Variants in DPP10 observed in about 807,000 individuals in gnomAD.
DPP10 encodes inactive dipeptidyl peptidase 10.
DPP10 carries 33 observed loss-of-function variants against 120.9 expected under a neutral mutation model. The ratio of observed to expected loss-of-function variants is 0.27; its 90% CI spans 0.21 to 0.37. The LOEUF is 0.37. Among genes scored for constraint, DPP10 ranks in the 10% least tolerant of loss-of-function variants. The pLI, the probability that DPP10 is intolerant of heterozygous loss-of-function variation, is 1.00. For missense variants in DPP10, 816 were observed against 942.8 expected (o/e 0.87, Z 1.76); for synonymous variants, 337 against 326.1 (o/e 1.03, Z -0.36).
intron 5 of DPP10, among the ~76,000 whole-genome samples, chr2:115,568,047 G>T (rs543721968): frequency 6.6e-6 from 1 of 152,068 alleles, no homozygotes; most frequent in Non-Finnish European, 1.5e-5. Context: ...GCATAGTGGC[G>T]CAAGCCTGTA....
intron 1 of DPP10, among the ~76,000 whole-genome samples, chr2:115,271,289 A>G (rs1423011125): frequency 6.6e-6 from 1 of 152,162 alleles, no homozygotes; most frequent in Non-Finnish European, 1.5e-5. Context: ...TGGCCATTCT[A>G]CTTGTTGGTA....
chr2:114,681,814 A>C (rs2105712789), intron 1 of DPP10, among the ~76,000 whole-genome samples: 1 of 152,124 alleles, frequency 6.6e-6, no homozygotes, highest in South Asian at 2.1e-4. Context: ...TAAATAATTA[A>C]TTTGCTATAT....
rs538526792 is a variant in DPP10, at chr2:115,715,372, A to G, written c.577-12444A>G. ...AAAAAAAAAAAAAAAAAGAAAGAAA[A>G]GAAAAAGAAAAATCTACTGGAACTT... On this transcript the variant is annotated intron_variant, in intron 7 of 25. Coordinates refer to ENST00000410059, the MANE Select transcript of DPP10 (RefSeq NM_020868.6). Among the ~76,000 whole-genome samples the G allele has an allele frequency of 3.3e-5, 5 of 150,768 alleles. No individual in the cohort carries two copies. In the East Asian group the frequency reaches 9.7e-4, roughly 29 times the overall value.
chr2:115,034,440 C>G (rs1704078319), intron 1 of DPP10, among the ~76,000 whole-genome samples: 1 of 152,170 alleles, frequency 6.6e-6, no homozygotes, highest in African/African-American at 2.4e-5. Context: ...ATTCGTATTA[C>G]AAACAGTACA....
chr2:115,068,865 T>A (rs866252348), intron 1 of DPP10, among the ~76,000 whole-genome samples: 98 of 152,312 alleles, frequency 6.4e-4, no homozygotes, highest in African/African-American at 2.3e-3. Context: ...CGAAGATCTG[T>A]TGACAATAAA....
At chr2:114,844,559 T>C (rs1175059393) in intron 1 of DPP10, among the ~76,000 whole-genome samples, 1 of 152,034 alleles carries the variant, frequency 6.6e-6, no homozygotes, top group Non-Finnish European at 1.5e-5. Flanking sequence ...AGTACACAAG[T>C]TGAAATGTAG....
chr2:114,785,999 C>T (rs1371562175), intron 1 of DPP10, among the ~76,000 whole-genome samples: 4 of 152,192 alleles, frequency 2.6e-5, no homozygotes, highest in East Asian at 1.9e-4. Context: ...CACACAGCCC[C>T]GTTTTCATTT....
intron 2 of DPP10, among the ~76,000 whole-genome samples, chr2:115,321,212 A>G (rs917497334): frequency 6.6e-6 from 1 of 152,110 alleles, no homozygotes; most frequent in African/African-American, 2.4e-5. Context: ...GAGGCAGGAG[A>G]ATCACTTGAA....
At chr2:114,497,391 A>ATG (rs1338013831) in intron 1 of DPP10, among the ~76,000 whole-genome samples, 17 of 134,284 alleles carry the variant, frequency 1.3e-4, no homozygotes, top group African/African-American at 4.8e-4. Flanking sequence ...ATATACATAC[A>ATG]CATACATATA....
At chr2:114,656,674 C>T (rs1696990244) in intron 1 of DPP10, among the ~76,000 whole-genome samples, 1 of 152,026 alleles carries the variant, frequency 6.6e-6, no homozygotes. Flanking sequence ...TCCGTTTATA[C>T]TGGTATAGTA....
chr2:114,559,911 A>C (rs948346390), intron 1 of DPP10, among the ~76,000 whole-genome samples: 19 of 144,472 alleles, frequency 1.3e-4, no homozygotes, highest in African/African-American at 4.4e-4. Flanking sequence ...AAAAAAAAAA[A>C]ACAAAGGAAG....
At chr2:115,331,411 T>C (rs527428430) in intron 2 of DPP10, among the ~76,000 whole-genome samples, 42 of 152,284 alleles carry the variant, frequency 2.8e-4, no homozygotes, top group African/African-American at 1.0e-3. Flanking sequence ...GAATACCCTT[T>C]ATTTCTTCCT....
chr2:114,561,608 A>T (rs145233474), intron 1 of DPP10, among the ~76,000 whole-genome samples: 164 of 152,184 alleles, frequency 1.1e-3, no homozygotes, highest in African/African-American at 3.8e-3. Flanking sequence ...TTAGAGAAAA[A>T]ATCCACCTCC....
chr2:114,903,910 T>C (rs1693782024), intron 1 of DPP10, among the ~76,000 whole-genome samples: 1 of 152,260 alleles, frequency 6.6e-6, no homozygotes. Context: ...TACAGGCATC[T>C]TGATTTTGAA....
intron 3 of DPP10, among the ~76,000 whole-genome samples, chr2:115,355,936 C>G (rs1457041219): frequency 6.6e-6 from 1 of 152,088 alleles, no homozygotes; most frequent in South Asian, 2.1e-4. Context: ...TGTAGCAGTA[C>G]CATGCTGTTT....
At chr2:114,869,776 G>A (rs929690341) in intron 1 of DPP10, among the ~76,000 whole-genome samples, 7 of 152,178 alleles carry the variant, frequency 4.6e-5, no homozygotes, top group African/African-American at 1.7e-4. Flanking sequence ...AGGTCACACA[G>A]AGAACTGCCT....
intron 3 of DPP10, among the ~76,000 whole-genome samples, chr2:115,418,360 T>C (rs1242022226): frequency 6.6e-6 from 1 of 152,084 alleles, no homozygotes; most frequent in East Asian, 1.9e-4. Flanking sequence ...ATAGGGTAGA[T>C]ACGCAGTGAG....
intron 1 of DPP10, among the ~76,000 whole-genome samples, chr2:115,287,155 G>T (rs1167798885): frequency 6.6e-6 from 1 of 152,080 alleles, no homozygotes; most frequent in Admixed American, 6.6e-5. Context: ...ATTCCTTTCA[G>T]TGTACTAAAA....
At chr2:114,519,987 C>A (rs902776673) in intron 1 of DPP10, among the ~76,000 whole-genome samples, 2 of 150,798 alleles carry the variant, frequency 1.3e-5, no homozygotes, top group African/African-American at 4.9e-5. Context: ...ACGTATATTT[C>A]TGCTTTCAAA....
Sources: gnomAD v4.1 joint callset for allele counts (sites outside exome capture counted in the v4.1 genomes callset) on GRCh38, gnomAD v4.1.1 for gene constraint, MANE v1.5 for transcripts, NCBI Gene and HGNC (gene_info 2026-07-23, HGNC 2026-07-21) for gene names.